The following ANP32E variants were observed in gnomAD, a reference collection of about 807,000 sequenced individuals.
ANP32E encodes acidic nuclear phosphoprotein 32 family member E.
ANP32E carries 14 observed loss-of-function variants against 35.3 expected under a neutral mutation model. The observed-to-expected ratio is 0.40, with a 90% confidence interval of 0.26 to 0.62. The LOEUF is 0.62. Ranked by LOEUF, ANP32E falls within the 20% of genes least tolerant of loss-of-function variation. The pLI is 0.45. For missense variants in ANP32E, 198 were observed against 304.4 expected (o/e 0.65, Z 2.60); for synonymous variants, 89 against 110.4 (o/e 0.81, Z 1.22).
intron 1 of ANP32E, among the ~76,000 whole-genome samples, chr1:150,234,367 C>T (rs1020773324): frequency 1.4e-4 from 21 of 151,016 alleles, no homozygotes; most frequent in Admixed American, 9.9e-4. Flanking sequence ...CGGGATGACC[C>T]TGATAGCAAG....
chr1:150,222,217 G>A (rs907659309), intron 6 of ANP32E, among the ~76,000 whole-genome samples: 10 of 151,478 alleles, frequency 6.6e-5, no homozygotes, highest in East Asian at 1.9e-4. Context: ...TCAGGAGATC[G>A]AGAGCAACCT....
At chr1:150,226,572 A>G in intron 5 of ANP32E, 36 bp downstream of exon 5, 1 of 1,604,236 alleles carries the variant, frequency 6.2e-7, no homozygotes, top group East Asian at 2.2e-5. Context: ...ATGCCTAGAA[A>G]TTAATTTTCA....
At chr1:150,232,901 C>T (rs1649477084) in intron 1 of ANP32E, among the ~76,000 whole-genome samples, 1 of 152,144 alleles carries the variant, frequency 6.6e-6, no homozygotes, top group African/African-American at 2.4e-5. Flanking sequence ...CCCTCAACAT[C>T]AGATAATATA....
At chr1:150,229,741 G>A (rs1418745509) in intron 3 of ANP32E, among the ~76,000 whole-genome samples, 1 of 152,166 alleles carries the variant, frequency 6.6e-6, no homozygotes, top group Non-Finnish European at 1.5e-5. Flanking sequence ...GCCTCCCAAG[G>A]TGCTAGGATT....
intron 3 of ANP32E, among the ~76,000 whole-genome samples, chr1:150,229,903 T>C (rs1649220206): frequency 6.6e-6 from 1 of 152,260 alleles, no homozygotes. Context: ...CAAGCCACCG[T>C]GCCCGACCAC....
intron 1 of ANP32E, among the ~76,000 whole-genome samples, chr1:150,232,879 T>C (rs1306250628): frequency 5.3e-5 from 8 of 152,184 alleles, no homozygotes; most frequent in African/African-American, 1.9e-4. Flanking sequence ...TTTCTGACCC[T>C]GATAAGGAGG....
At chr1:150,234,130 A>T (rs1191876418) in intron 1 of ANP32E, among the ~76,000 whole-genome samples, 3 of 152,150 alleles carry the variant, frequency 2.0e-5, no homozygotes, top group East Asian at 3.9e-4. Flanking sequence ...AAGTTGAAAA[A>T]AGGCAACGTC....
intron 5 of ANP32E, among the ~76,000 whole-genome samples, chr1:150,225,442 G>T (rs1047728976): frequency 6.6e-6 from 1 of 151,912 alleles, no homozygotes; most frequent in Non-Finnish European, 1.5e-5. Flanking sequence ...TGCCAAGGTG[G>T]GCGGATAATT....
At position 150,229,191 on chromosome 1, in the gene ANP32E, A is replaced by T; in HGVS notation, c.374T>A (p.Ile125Asn). ...LKSLDLFNCEITNLEDYRESI... is the reference protein window; with the variant it reads ...LKSLDLFNCENTNLEDYRESI... ...TTCTCTATAATCTTCCAGGTTTGTG[A>T]TCTCACAGTTAAACAGGTCAAGACT... The change falls in exon 4 of 7, where the codon ATC becomes AAC. Residue 125 changes from isoleucine to asparagine, a missense_variant. Physicochemically the swap from Ile to Asn is moderately radical, Grantham distance 149. Coordinates refer to ENST00000583931, the MANE Select transcript of ANP32E (RefSeq NM_030920.5). The T allele has an allele frequency of 6.2e-7, 1 of 1,612,622 alleles. No individual in the cohort carries two copies. The highest frequency in any genetic ancestry group is 1.1e-5 in the South Asian group (1 of 91,028).
intron 3 of ANP32E, 124 bp from the exon 4 acceptor site, chr1:150,229,361 G>A (rs1024923441): frequency 7.0e-5 from 42 of 599,578 alleles, no homozygotes; most frequent in African/African-American, 1.1e-4. Context: ...TCAGCGCCAC[G>A]ATCTCTGCTC....
chr1:150,228,325 G>C (rs1225806192), intron 4 of ANP32E, among the ~76,000 whole-genome samples: 1 of 152,002 alleles, frequency 6.6e-6, no homozygotes, highest in Non-Finnish European at 1.5e-5. Flanking sequence ...CATTCATGTG[G>C]CATGTATCAC....
At chr1:150,221,604 G>GTGAAGGAAGGAAGGAAGGAA (rs1553838032) in intron 6 of ANP32E, among the ~76,000 whole-genome samples, 1 of 36,866 alleles carries the variant, frequency 2.7e-5, no homozygotes, top group South Asian at 1.7e-3. Flanking sequence ...GAGGGAGGGA[G>GTGAAGGAAGGAAGGAAGGAA]GGAAGGAAGG....
intron 1 of ANP32E, chr1:150,234,726 C>T: frequency 1.0e-6 from 1 of 956,576 alleles, no homozygotes. Flanking sequence ...AAACGGGTCG[C>T]CTCCCAACCC....
intron 1 of ANP32E, among the ~76,000 whole-genome samples, chr1:150,234,212 G>A (rs1435526176): frequency 6.6e-6 from 1 of 152,028 alleles, no homozygotes; most frequent in Admixed American, 6.6e-5. Context: ...GGGAGGCGGG[G>A]GCGGGATTCA....
rs1649292411 is a variant in ANP32E at position 150,230,778 on chromosome 1, G to A, written c.205-85C>T. On this transcript the variant is annotated intron_variant, in intron 2 of 6. Transcript: ENST00000583931. ...TTTTTTTGAAATGTAGTCTCACTCT[G>A]TCGCCCAGGCTGGAGTGCAGTGGTG... 3 of 1,318,342 alleles carry A rather than the reference G, an allele frequency of 2.3e-6. No homozygotes were observed. The South Asian group carries it at 4.1e-5, about 18-fold the overall frequency. 81.7% of individuals were successfully genotyped at this position (1,318,342 alleles called of 1,614,324 possible).
chr1:150,229,770 G>A (rs782330447), intron 3 of ANP32E, among the ~76,000 whole-genome samples: 4 of 152,246 alleles, frequency 2.6e-5, no homozygotes, highest in South Asian at 2.1e-4. Flanking sequence ...GAGCCACCGC[G>A]CCCGGCCTAA....
chr1:150,229,355 C>T (rs1225714222), intron 3 of ANP32E, 118 bp from the exon 4 acceptor site: 23 of 620,090 alleles, frequency 3.7e-5, no homozygotes, highest in Middle Eastern at 4.8e-4. Context: ...TGGAATTCAG[C>T]GCCACGATCT....
chr1:150,221,876 G>A (rs1161131938), intron 6 of ANP32E, among the ~76,000 whole-genome samples: 2 of 151,948 alleles, frequency 1.3e-5, no homozygotes, highest in Admixed American at 1.3e-4. Context: ...AGGATCAGTT[G>A]GGCCCAGGAG....
At chr1:150,234,272 A>G (rs1649593978) in intron 1 of ANP32E, among the ~76,000 whole-genome samples, 1 of 142,750 alleles carries the variant, frequency 7.0e-6, no homozygotes, top group African/African-American at 2.6e-5. Flanking sequence ...TGCTTGTGAG[A>G]GACAGCTTTT....
Sources: allele counts gnomAD v4.1 joint callset (sites outside exome capture counted in the v4.1 genomes callset), GRCh38; gene constraint gnomAD v4.1.1; transcripts MANE v1.5; gene names NCBI Gene and HGNC (gene_info 2026-07-23, HGNC 2026-07-21).